The following DNMT3A variants were observed in gnomAD, a reference collection of about 807,000 sequenced individuals.
The protein encoded by DNMT3A is DNA (cytosine-5)-methyltransferase 3A.
Under a neutral mutation model 117.6 loss-of-function variants are expected in DNMT3A, and 267 were observed. The ratio of observed to expected loss-of-function variants is 2.27; its 90% CI spans 2.05 to 2.51. The LOEUF (loss-of-function observed/expected upper bound fraction) is 2.51. Ranked by LOEUF, DNMT3A falls within the 30% of genes most tolerant of loss-of-function variation. The pLI is 0.00. For missense variants in DNMT3A, 1,029 were observed against 1,260.2 expected (o/e 0.82, Z 2.78); for synonymous variants, 432 against 474.8 (o/e 0.91, Z 1.17).
At chr2:25,287,729 A>AC (rs58548214) in intron 3 of DNMT3A, among the ~76,000 whole-genome samples, 59,031 of 145,334 alleles carry the variant, frequency 0.41, 12,813 homozygotes, top group Non-Finnish European at 0.47. Flanking sequence ...GACAGAGGAC[A>AC]CCCCCGCCCC....
chr2:25,242,757 G>T (rs552988836), intron 16 of DNMT3A, among the ~76,000 whole-genome samples: 1 of 152,304 alleles, frequency 6.6e-6, no homozygotes, highest in Non-Finnish European at 1.5e-5. Flanking sequence ...AGGGGTGGAT[G>T]TGTCTTCACA....
chr2:25,248,127 G>C lies in DNMT3A; in HGVS notation c.765C>G (p.Ser255=), dbSNP rs768369047. 3 of 1,613,662 alleles carry C rather than the reference G, an allele frequency of 1.9e-6. No homozygotes were observed. Among genetic ancestry groups the C allele is most frequent in the African/African-American group, 2.7e-5 (2 of 75,028 alleles). Residue 255 remains serine (S), a synonymous_variant, in exon 7 of 23, where the codon TCC becomes TCG. Coordinates refer to ENST00000321117, the MANE Select transcript of DNMT3A (RefSeq NM_022552.5). ...GCTCAGGCGTGGTAGCCACAGTGGGGGATGCGGGGTCAGTGGGCTGCTGCA... is the reference window on the plus strand; with the variant it reads ...GCTCAGGCGTGGTAGCCACAGTGGGCGATGCGGGGTCAGTGGGCTGCTGCA... The part of the protein sequence containing the change: ...PAVQQPTDPA[S]PTVATTPEPV...
Position 25,281,750 on chromosome 2 carries a change from C to A in DNMT3A, c.448+691G>T. 6 of 1,065,960 alleles carry A rather than the reference C, an allele frequency of 5.6e-6. No individual in the cohort carries two copies. Among genetic ancestry groups the A allele is most frequent in the Non-Finnish European group, 6.8e-6 (6 of 879,680 alleles). 66.0% of individuals were successfully genotyped at this position (1,065,960 alleles called of 1,614,324 possible). On this transcript the variant is annotated intron_variant, in intron 4 of 22. Transcript: ENST00000321117. The surrounding 1 kb of genome is among the most constrained non-coding windows in gnomAD (Gnocchi z 4.8). The stretch of plus-strand genomic sequence containing the variant: ...GTTGGCCCTGAAATTGCTGGCTTAA[C>A]CTGAAAGAGAAAAGTGGGCAACTTT...
At position 25,246,230 on chromosome 2, in the gene DNMT3A, T is replaced by C. The variant is rs1422797117; in HGVS notation, c.1359A>G (p.Pro453=). 6 of 1,614,176 alleles carry C rather than the reference T, an allele frequency of 3.7e-6. No homozygotes were observed. Among genetic ancestry groups the C allele is most frequent in the Non-Finnish European group, 5.1e-6 (6 of 1,180,016 alleles). The change falls in exon 11 of 23, where the codon CCA becomes CCG. Residue 453 remains proline (P), a synonymous_variant. Transcript: ENST00000321117. ...CTGTGCTCTTCCGGGGCTTTTTGGC[T>C]GGTGGAGGTGGTGCGTAGGCAGCTG... is the stretch of plus-strand genomic sequence containing the variant. ...PEAAAYAPPP[P]AKKPRKSTAE... is the part of the protein sequence containing the mutation.
intron 3 of DNMT3A, among the ~76,000 whole-genome samples, chr2:25,295,185 C>T (rs898796490): frequency 3.3e-5 from 5 of 152,166 alleles, no homozygotes; most frequent in Admixed American, 3.3e-4. Flanking sequence ...ACACTTGTCA[C>T]CCTGCAACAT....
In DNMT3A at chr2:25,246,307, CT is replaced by C. The variant is rs1674762635; in HGVS notation, c.1281del (p.Glu428ArgfsTer223). On this transcript the variant is annotated frameshift_variant and splice_region_variant, in exon 11 of 23. Transcript: ENST00000321117. LOFTEE classifies it high-confidence loss of function. ...SGPKGLEPPE[E>X]EKNPYKEVYT... ...TACACTTCTTTGTAGGGATTCTTCT[CT>C]TCTGGAGGAGGAAAGCAGGTGCCAA... 6.3e-7 allele frequency: 1 copy of C among 1,598,734 alleles called. No individual in the cohort carries two copies. Among genetic ancestry groups the C allele is most frequent in the Non-Finnish European group, 8.5e-7 (1 of 1,171,442 alleles).
Position 25,246,591 on chromosome 2 carries a change from G to A in DNMT3A, c.1279+29C>T, listed in dbSNP as rs1416951686. On this transcript the variant is annotated intron_variant, in intron 10 of 22. Transcript: ENST00000321117. ...GTGTGGATCTGCCTGGCGGGCAGGG[G>A]TCCCAGAAAGCTGGGTGCCCTCATT... The A allele has an allele frequency of 3.1e-6, 5 of 1,593,312 alleles. No homozygotes were observed. In the African/African-American group the frequency reaches 6.8e-5, roughly 22 times the overall value.
At chr2:25,278,042 C>CACACAA (rs1553422580) in intron 4 of DNMT3A, among the ~76,000 whole-genome samples, 1 of 146,292 alleles carries the variant, frequency 6.8e-6, no homozygotes, top group African/African-American at 2.6e-5. Context: ...CACACACAGA[C>CACACAA]ACACACGCTT....
Position 25,240,518 on chromosome 2 carries a change from C to T in DNMT3A, c.2174-68G>A, listed in dbSNP as rs982494321. 1.0e-5 allele frequency: 16 copies of T among 1,578,086 alleles called. No individual in the cohort carries two copies. In the Admixed American group the frequency reaches 1.2e-4, roughly 12 times the overall value. ...ATAGGACAGTGGTGTGGCTCGGGCA[C>T]GGGGAGGGCACGGGAAGACAGGGTC... On this transcript the variant is annotated intron_variant, in intron 18 of 22. Coordinates refer to ENST00000321117, the MANE Select transcript of DNMT3A (RefSeq NM_022552.5).
At chr2:25,266,812 C>A (rs2030393078) in intron 6 of DNMT3A, among the ~76,000 whole-genome samples, 1 of 152,164 alleles carries the variant, frequency 6.6e-6, no homozygotes. Context: ...CTTCTCATAC[C>A]CTGTTCACAG....
chr2:25,234,424 G>A lies in DNMT3A; in HGVS notation c.2598-4C>T. Reference sequence around the variant, plus strand: ...GTGGACTGGGAAACCAAATACCCTGGGGGAGAAAAGGCAGAGAGGGCAGGG... The same window carrying A: ...GTGGACTGGGAAACCAAATACCCTGAGGGAGAAAAGGCAGAGAGGGCAGGG... On this transcript the variant is annotated splice_polypyrimidine_tract_variant and splice_region_variant and intron_variant, in intron 22 of 22. Coordinates refer to ENST00000321117, the MANE Select transcript of DNMT3A (RefSeq NM_022552.5). This position sits in a 1 kb window ranked among gnomAD's most constrained non-coding sequence, Gnocchi z 4.5. 1 of 1,611,628 alleles carries A rather than the reference G, an allele frequency of 6.2e-7. No individual in the cohort carries two copies. Among genetic ancestry groups the A allele is most frequent in the Admixed American group, 1.7e-5 (1 of 59,784 alleles).
In DNMT3A at chr2:25,241,606, TC is replaced by T. The variant is rs1365479526; in HGVS notation, c.2037del (p.Lys680ArgfsTer25). 1 of 1,613,154 alleles carries T rather than the reference TC, an allele frequency of 6.2e-7. No individual in the cohort carries two copies. The highest frequency in any genetic ancestry group is 8.5e-7 in the Non-Finnish European group (1 of 1,179,660). ...CGGACGTCCCCGACGTACATGATCT[TC>T]CCCTGGTGCCGCACCATGCCCACCG... Reference protein sequence around the residue: ...SITVGMVRHQGKIMYVGDVRS... With the variant: ...SITVGMVRHQXKIMYVGDVRS... On this transcript the variant is annotated frameshift_variant, in exon 17 of 23. Transcript: ENST00000321117. LOFTEE classifies it high-confidence loss of function.
Position 25,246,683 on chromosome 2 carries a change from TG to T in DNMT3A, c.1215del (p.Met406Ter). ...TAKAVEVQNKPMIEWALGGFQ... is the reference protein window; with the variant it reads ...TAKAVEVQNKXMIEWALGGFQ... The stretch of plus-strand genomic sequence containing the variant: ...AAGCCCCCCAGGGCCCATTCAATCA[TG>T]GGCTTGTTCTGCACCTCCACGGCCT... On this transcript the variant is annotated frameshift_variant, in exon 10 of 23. Coordinates refer to ENST00000321117, the MANE Select transcript of DNMT3A (RefSeq NM_022552.5). LOFTEE classifies it high-confidence loss of function. 1.9e-6 allele frequency: 3 copies of T among 1,613,738 alleles called. No individual in the cohort carries two copies. Among genetic ancestry groups the T allele is most frequent in the Non-Finnish European group, 2.5e-6 (3 of 1,180,008 alleles).
rs556556282 is a variant in DNMT3A, at chr2:25,294,509, G to C, written c.177+5630C>G. Reference sequence around the variant, plus strand: ...CCAGGAGTGGGAGACACGATGTCAGGAAGTTATATGCATAAAAGGTAGGGG... The same window carrying C: ...CCAGGAGTGGGAGACACGATGTCAGCAAGTTATATGCATAAAAGGTAGGGG... On this transcript the variant is annotated intron_variant, in intron 3 of 22. Coordinates refer to ENST00000321117, the MANE Select transcript of DNMT3A (RefSeq NM_022552.5). This position sits in a 1 kb window ranked among gnomAD's most constrained non-coding sequence, Gnocchi z 4.7. 1.6e-3 allele frequency among the ~76,000 whole-genome samples: 244 copies of C among 152,278 alleles called. 1 individual carries two copies. The highest frequency in any genetic ancestry group is 3.1e-3 in the Admixed American group (47 of 15,294).
At position 25,334,489 on chromosome 2, in the gene DNMT3A, C is replaced by T. The variant is rs563554673; in HGVS notation, c.-178+7337G>A. Among the ~76,000 whole-genome samples the T allele has an allele frequency of 1.3e-4, 20 of 152,330 alleles. No individual in the cohort carries two copies. In the South Asian group the frequency reaches 1.7e-3, roughly 13 times the overall value. On this transcript the variant is annotated intron_variant, in intron 1 of 22. Transcript: ENST00000321117. ...GGCTGGGTCACCTGAGCTCCATACCCGGGCCGGGCCCCAGTTATACCTCCA... is the reference window on the plus strand; with the variant it reads ...GGCTGGGTCACCTGAGCTCCATACCTGGGCCGGGCCCCAGTTATACCTCCA...
At position 25,254,867 on chromosome 2, in the gene DNMT3A, G is replaced by A. The variant is rs573530817; in HGVS notation, c.640-6615C>T. ...TGGGACATAAGACTGCAATGATGCC[G>A]TGCGTGCAGCAAGGACTCAAGGTGT... On this transcript the variant is annotated intron_variant, in intron 6 of 22. Transcript: ENST00000321117. The surrounding 1 kb of genome is among the most constrained non-coding windows in gnomAD (Gnocchi z 4.7). Among the ~76,000 whole-genome samples the A allele has an allele frequency of 3.9e-5, 6 of 152,198 alleles. No homozygotes were observed. The highest frequency in any genetic ancestry group is 2.1e-4 in the South Asian group (1 of 4,826).
At chr2:25,317,464 A>C (rs1455713963) in intron 1 of DNMT3A, among the ~76,000 whole-genome samples, 3 of 152,242 alleles carry the variant, frequency 2.0e-5, no homozygotes, top group Admixed American at 2.0e-4. Context: ...TGACAGCCAA[A>C]TTTCAGACAG....
chr2:25,309,182 C>A (rs2033948920), intron 2 of DNMT3A, among the ~76,000 whole-genome samples: 2 of 152,204 alleles, frequency 1.3e-5, no homozygotes, highest in African/African-American at 2.4e-5. Flanking sequence ...TCTACTAGGC[C>A]CTCCAAGCAC....
In DNMT3A at chr2:25,303,903, C is replaced by T. The variant is rs529259661; in HGVS notation, c.73-3660G>A. Among the ~76,000 whole-genome samples the T allele has an allele frequency of 1.9e-3, 294 of 152,354 alleles. 2 individuals carry two copies. The highest frequency in any genetic ancestry group is 3.2e-3 in the Admixed American group (49 of 15,306). ...GGAAGCGTAGCAAGTGGTTCATTCTCGCATCTGTCACGGGGTCTGTTTTAT... is the reference window on the plus strand; with the variant it reads ...GGAAGCGTAGCAAGTGGTTCATTCTTGCATCTGTCACGGGGTCTGTTTTAT... On this transcript the variant is annotated intron_variant, in intron 2 of 22. Coordinates refer to ENST00000321117, the MANE Select transcript of DNMT3A (RefSeq NM_022552.5).
Sources: gnomAD v4.1 joint callset for allele counts (sites outside exome capture counted in the v4.1 genomes callset) on GRCh38, gnomAD v4.1.1 for gene constraint, Gnocchi (gnomAD v3.1) non-coding constraint, MANE v1.5 for transcripts, NCBI Gene and HGNC (gene_info 2026-07-23, HGNC 2026-07-21) for gene names.